LOXL2: variants seen among roughly 807,000 people sequenced by gnomAD.
LOXL2 encodes lysyl oxidase homolog 2.
Under a neutral mutation model 93.0 loss-of-function variants are expected in LOXL2, and 70 were observed. That is an observed-to-expected ratio of 0.75 (90% CI 0.62 to 0.92). LOXL2 has a LOEUF of 0.92. LOXL2 is among the 40% of genes least tolerant of loss of function. The pLI is 0.00. For synonymous variants in LOXL2, 438 were observed against 413.2 expected (o/e 1.06, Z -0.73); for missense variants, 973 against 1,054.9 (o/e 0.92, Z 1.08).
At chr8:23,403,668 G>T (rs1486075706) in intron 1 of LOXL2, among the ~76,000 whole-genome samples, 3 of 151,814 alleles carry the variant, frequency 2.0e-5, no homozygotes, top group Middle Eastern at 3.4e-3. Flanking sequence ...GCCTGATTAC[G>T]GGCGCTCGGG....
intron 1 of LOXL2, among the ~76,000 whole-genome samples, chr8:23,374,316 A>G (rs1183288076): frequency 2.6e-5 from 4 of 152,112 alleles, no homozygotes; most frequent in Non-Finnish European, 5.9e-5. Flanking sequence ...TCCATGGTGT[A>G]TATGTGCCAC....
rs117548684 is a variant in LOXL2 at position 23,329,966 on chromosome 8, A to G, written c.967-1401T>C. On this transcript the variant is annotated intron_variant, in intron 5 of 13. Coordinates refer to ENST00000389131, the MANE Select transcript of LOXL2 (RefSeq NM_002318.3). Reference sequence around the variant, plus strand: ...CAGGGACTGCTCTGACCCCCGCAGTATGGGGAGAAGAAAAAAGGGGAAAAC... The same window carrying G: ...CAGGGACTGCTCTGACCCCCGCAGTGTGGGGAGAAGAAAAAAGGGGAAAAC... Among the ~76,000 whole-genome samples the G allele has an allele frequency of 1.8e-3, 270 of 152,228 alleles. 6 individuals are homozygous for G. In the East Asian group the frequency reaches 0.042, roughly 24 times the overall value.
chr8:23,374,499 G>C (rs1052302540), intron 1 of LOXL2, among the ~76,000 whole-genome samples: 1 of 152,130 alleles, frequency 6.6e-6, no homozygotes. Flanking sequence ...GGTATTTCTA[G>C]TTCTAGATCC....
At chr8:23,384,129 G>C (rs1227603364) in intron 1 of LOXL2, among the ~76,000 whole-genome samples, 3 of 152,172 alleles carry the variant, frequency 2.0e-5, no homozygotes, top group Non-Finnish European at 4.4e-5. Flanking sequence ...GGCAAATGTC[G>C]AGGTAATTTA....
rs144746561 is a variant in LOXL2, at chr8:23,396,109, G to A, written c.-84+7845C>T. On this transcript the variant is annotated intron_variant, in intron 1 of 13. Coordinates refer to ENST00000389131, the MANE Select transcript of LOXL2 (RefSeq NM_002318.3). ...GAGGCTGCGGCAGGATCCTGAGGTC[G>A]GGAGTTCGGGAGCAGCCTGACCAAC... Among the ~76,000 whole-genome samples, 160 of 152,142 alleles carry A rather than the reference G, an allele frequency of 1.1e-3. 1 individual carries two copies. Among genetic ancestry groups the A allele is most frequent in the African/African-American group, 3.8e-3 (156 of 41,520 alleles).
At chr8:23,371,402 G>A (rs903972542) in intron 1 of LOXL2, among the ~76,000 whole-genome samples, 7 of 151,540 alleles carry the variant, frequency 4.6e-5, no homozygotes, top group Admixed American at 1.3e-4. Flanking sequence ...AATGAAGATC[G>A]AGTGTGTAAA....
intron 8 of LOXL2, among the ~76,000 whole-genome samples, chr8:23,318,425 GCACACACACACACACA>G (rs59051890): frequency 4.1e-5 from 6 of 145,750 alleles, no homozygotes; most frequent in East Asian, 2.0e-4. Context: ...TTGGTTGATA[GCACACACACACACACA>G]CACACACACA....
At chr8:23,367,912 C>T in intron 2 of LOXL2, 85 bp downstream of exon 2, 1 of 1,091,788 alleles carries the variant, frequency 9.2e-7, no homozygotes, top group Non-Finnish European at 1.4e-6. Context: ...GTGCGTGCAG[C>T]CTCCTCTCCC....
chr8:23,386,387 C>T (rs945143681), intron 1 of LOXL2, among the ~76,000 whole-genome samples: 2 of 151,962 alleles, frequency 1.3e-5, no homozygotes, highest in African/African-American at 4.8e-5. Context: ...AGCAAGACTC[C>T]CTCTCCAAAA....
Position 23,328,373 on chromosome 8 carries a change from A to T in LOXL2, c.1150+9T>A. 6.2e-7 allele frequency: 1 copy of T among 1,613,434 alleles called. No homozygotes were observed. The highest frequency in any genetic ancestry group is 1.1e-5 in the South Asian group (1 of 91,030). On this transcript the variant is annotated intron_variant, in intron 6 of 13. Transcript: ENST00000389131. ...AAGAGAGGCCCCCTCTAGCCTCCCC[A>T]TTCCTTACCTTGCCCCAGTCGGGAG...
At chr8:23,316,907 C>A (rs778640877) in intron 9 of LOXL2, 42 bp downstream of exon 9, 1 of 1,515,736 alleles carries the variant, frequency 6.6e-7, no homozygotes, top group Non-Finnish European at 8.8e-7. Flanking sequence ...GGACTCTGGT[C>A]CCCTTGGGAG....
chr8:23,360,413 T>G, intron 2 of LOXL2, 148 bp from the exon 3 acceptor site: 1 of 591,370 alleles, frequency 1.7e-6, no homozygotes, highest in Non-Finnish European at 3.0e-6. Flanking sequence ...ATTAAGATAT[T>G]GCACATAACT....
rs1292679111 is a variant in LOXL2 at position 23,298,014 on chromosome 8, G to T, written c.*29C>A. The T allele has an allele frequency of 6.3e-7, 1 of 1,593,640 alleles. No homozygotes were observed. Among genetic ancestry groups the T allele is most frequent in the Non-Finnish European group, 8.6e-7 (1 of 1,163,028 alleles). On this transcript the variant is annotated 3_prime_UTR_variant, in exon 14 of 14. Transcript: ENST00000389131. ...TCCCATGGAAGATGTGGTGTGGCCT[G>T]AAGACAGGAGTTGACCACGCAGGCT...
At chr8:23,377,199 C>T (rs1301325161) in intron 1 of LOXL2, among the ~76,000 whole-genome samples, 1 of 151,906 alleles carries the variant, frequency 6.6e-6, no homozygotes, top group African/African-American at 2.4e-5. Flanking sequence ...TGTTATGTAC[C>T]CAGTAGTCAT....
At chr8:23,328,657 G>A (rs1047127824) in intron 5 of LOXL2, 92 bp from the exon 6 acceptor site, 5 of 1,255,368 alleles carry the variant, frequency 4.0e-6, no homozygotes, top group Middle Eastern at 3.8e-4. Flanking sequence ...CTGCCACCCT[G>A]TTCCCAGGCC....
chr8:23,393,747 A>T (rs1413318165), intron 1 of LOXL2, among the ~76,000 whole-genome samples: 7 of 152,364 alleles, frequency 4.6e-5, no homozygotes, highest in Non-Finnish European at 4.4e-5. Flanking sequence ...TGTTTTGAAG[A>T]TGCTTTATGA....
At chr8:23,331,325 G>C (rs547161334) in intron 5 of LOXL2, 1 of 152,588 alleles carries the variant, frequency 6.6e-6, no homozygotes, top group South Asian at 2.1e-4. Context: ...CCCCACCCCA[G>C]AGCCCTTCTC....
In LOXL2 at chr8:23,322,164, C is replaced by A; in HGVS notation, c.1268G>T (p.Arg423Ile). Residue 423 changes from arginine (R) to isoleucine (I), a missense_variant, in exon 7 of 14, where the codon AGA becomes ATA. Coordinates refer to ENST00000389131, the MANE Select transcript of LOXL2 (RefSeq NM_002318.3). ...GCNHEEDAGV[R>I]CNTPAMGLQK... ...CAAGCCCATGGCAGGGGTGTTGCAT[C>A]TCACACCAGCATCCTCCTCGTGGTT... The A allele has an allele frequency of 6.2e-7, 1 of 1,614,236 alleles. No individual in the cohort carries two copies. The highest frequency in any genetic ancestry group is 8.5e-7 in the Non-Finnish European group (1 of 1,180,032).
In LOXL2 at chr8:23,309,932, G is replaced by C. The variant is rs1476655634; in HGVS notation, c.1637-21C>G. On this transcript the variant is annotated intron_variant, in intron 9 of 13. Transcript: ENST00000389131. The stretch of plus-strand genomic sequence containing the variant: ...GGCGGCTGCGGAGGATGGCATGCTG[G>C]TCAACAAGGCAAGAGACCCCTCCCC... The C allele has an allele frequency of 2.1e-6, 3 of 1,447,234 alleles. No homozygotes were observed. In the African/African-American group the frequency reaches 4.3e-5, roughly 21 times the overall value. The allele number at this position is 1,447,234 out of a possible 1,614,324, so 89.6% of individuals were successfully genotyped here.
Sources: gnomAD v4.1 joint callset for allele counts (sites outside exome capture counted in the v4.1 genomes callset) on GRCh38, gnomAD v4.1.1 for gene constraint, MANE v1.5 for transcripts, NCBI Gene and HGNC (gene_info 2026-07-23, HGNC 2026-07-21) for gene names.